The following CDH22 variants were observed in gnomAD, a reference collection of about 807,000 sequenced individuals.
The protein encoded by CDH22 is cadherin-22.
CDH22 carries 30 observed loss-of-function variants against 58.4 expected under a neutral mutation model. The observed-to-expected ratio is 0.51, with a 90% CI of 0.38 to 0.70. The LOEUF (loss-of-function observed/expected upper bound fraction) is 0.70. Among genes scored for constraint, CDH22 ranks in the 30% least tolerant of loss-of-function variants. CDH22 has a pLI of 0.00. For missense variants in CDH22, 1,014 were observed against 1,233.9 expected, an observed-to-expected ratio of 0.82 and a Z score of 2.67; for synonymous variants, 513 against 558.2, an observed-to-expected ratio of 0.92 and a Z score of 1.14.
At chr20:46,186,030 C>T (rs1032693511) in intron 10 of CDH22, among the ~76,000 whole-genome samples, 9 of 151,802 alleles carry the variant, frequency 5.9e-5, no homozygotes, top group African/African-American at 9.7e-5. Flanking sequence ...CTGGGCAATA[C>T]GGCAAAAATC....
At position 46,208,156 on chromosome 20, in the gene CDH22, T is replaced by C. The variant is rs151040784; in HGVS notation, c.1286+2151A>G. 4.3e-3 allele frequency among the ~76,000 whole-genome samples: 653 copies of C among 152,308 alleles called. 1 individual carries two copies. Among genetic ancestry groups the C allele is most frequent in the African/African-American group, 0.015 (631 of 41,562 alleles). On this transcript the variant is annotated intron_variant, in intron 7 of 11. Coordinates refer to ENST00000537909, the MANE Select transcript of CDH22 (RefSeq NM_021248.3). ...TGAATAGGTACAGGGGTTTTGGGAA[T>C]GAATCAGGGAGCCCCAGTGCCTCCT...
chr20:46,247,836 G>C (rs1308699145), intron 2 of CDH22, among the ~76,000 whole-genome samples: 2 of 152,186 alleles, frequency 1.3e-5, no homozygotes, highest in Non-Finnish European at 2.9e-5. Flanking sequence ...CTCCCTCCCT[G>C]GATGGAGTGT....
chr20:46,207,383 G>A (rs909790387), intron 7 of CDH22, among the ~76,000 whole-genome samples: 2 of 152,062 alleles, frequency 1.3e-5, no homozygotes, highest in Non-Finnish European at 2.9e-5. Context: ...CTCGCCTCCC[G>A]CTCCGTGTTC....
chr20:46,205,981 C>T (rs2085999764), intron 7 of CDH22, among the ~76,000 whole-genome samples: 1 of 152,224 alleles, frequency 6.6e-6, no homozygotes, highest in East Asian at 1.9e-4. Flanking sequence ...AAACCTCTGT[C>T]ACTCCCCTTC....
At chr20:46,178,496 T>C (rs2085758196) in intron 10 of CDH22, among the ~76,000 whole-genome samples, 1 of 151,888 alleles carries the variant, frequency 6.6e-6, no homozygotes. Flanking sequence ...TTTTCAGCTA[T>C]TCTAAGATTT....
chr20:46,196,000 G>A (rs974985034), intron 8 of CDH22, among the ~76,000 whole-genome samples: 1 of 152,166 alleles, frequency 6.6e-6, no homozygotes, highest in African/African-American at 2.4e-5. Context: ...GACCCTCTGA[G>A]TTTCCCTTCT....
chr20:46,207,005 C>A (rs2086006339), intron 7 of CDH22, among the ~76,000 whole-genome samples: 1 of 152,192 alleles, frequency 6.6e-6, no homozygotes, highest in Non-Finnish European at 1.5e-5. Context: ...CCTCCCATTT[C>A]CATTTTTGTA....
chr20:46,274,986 G>C (rs2086510385), intron 1 of CDH22, among the ~76,000 whole-genome samples: 1 of 152,156 alleles, frequency 6.6e-6, no homozygotes, highest in Admixed American at 6.5e-5. Context: ...GCTCTTTCTG[G>C]GGTGAAAGGA....
At chr20:46,180,338 G>C (rs1385297285) in intron 10 of CDH22, among the ~76,000 whole-genome samples, 1 of 152,174 alleles carries the variant, frequency 6.6e-6, no homozygotes, top group African/African-American at 2.4e-5. Flanking sequence ...AGAATCTCAG[G>C]CCCCTTGGGT....
chr20:46,192,593 G>T (rs559560671), intron 8 of CDH22, among the ~76,000 whole-genome samples: 11 of 152,044 alleles, frequency 7.2e-5, no homozygotes, highest in Non-Finnish European at 1.5e-4. Flanking sequence ...GAGGGGGAGA[G>T]AGAGAGAGGA....
chr20:46,294,460 G>A (rs944566860), intron 1 of CDH22, among the ~76,000 whole-genome samples: 3 of 152,202 alleles, frequency 2.0e-5, no homozygotes, highest in Middle Eastern at 3.2e-3. Flanking sequence ...AGGAGGGTGC[G>A]GAAAGAGGAA....
intron 1 of CDH22, among the ~76,000 whole-genome samples, chr20:46,276,553 G>A (rs145479040): frequency 2.9e-4 from 44 of 152,308 alleles, no homozygotes; most frequent in Non-Finnish European, 3.4e-4. Flanking sequence ...AGGGCTACCC[G>A]AGCACCTTCC....
intron 3 of CDH22, among the ~76,000 whole-genome samples, chr20:46,240,228 G>A (rs2086280070): frequency 6.6e-6 from 1 of 152,126 alleles, no homozygotes; most frequent in Non-Finnish European, 1.5e-5. Flanking sequence ...ACCCCAGGAT[G>A]CTCATGTCTG....
chr20:46,210,600 T>C lies in CDH22; in HGVS notation c.1033-40A>G. On this transcript the variant is annotated intron_variant, in intron 6 of 11. Transcript: ENST00000537909. This position sits in a 1 kb window ranked among gnomAD's most constrained non-coding sequence, Gnocchi z 4.5. ...AGAGGGCCGGTTAGTGGGTGGGGTC[T>C]GGTGGACACTGAGGCCTTCACGAGG... 7.1e-7 allele frequency: 1 copy of C among 1,411,864 alleles called. No individual in the cohort carries two copies. The highest frequency in any genetic ancestry group is 2.8e-5 in the East Asian group (1 of 35,890). 87.5% of individuals were successfully genotyped at this position (1,411,864 alleles called of 1,614,324 possible).
intron 10 of CDH22, among the ~76,000 whole-genome samples, chr20:46,181,740 C>CTTCCTTCCTTCCTTCG: frequency 2.6e-5 from 1 of 38,720 alleles, no homozygotes; most frequent in South Asian, 1.2e-3. Flanking sequence ...TCCTTCCTTC[C>CTTCCTTCCTTCCTTCG]TTCCTTCCTT....
At chr20:46,199,661 G>A in intron 7 of CDH22, 102 bp from the exon 8 acceptor site, 1 of 1,418,426 alleles carries the variant, frequency 7.1e-7, no homozygotes, top group Admixed American at 2.2e-5. Flanking sequence ...CGCCTGCCTT[G>A]GACACACACA....
chr20:46,209,091 A>C (rs561091091), intron 7 of CDH22, among the ~76,000 whole-genome samples: 1 of 152,324 alleles, frequency 6.6e-6, no homozygotes, highest in African/African-American at 2.4e-5. Flanking sequence ...GAAAGGTAAT[A>C]AGGAAGCAGC....
intron 4 of CDH22, among the ~76,000 whole-genome samples, chr20:46,218,950 C>T (rs951117980): frequency 9.8e-5 from 15 of 152,328 alleles, no homozygotes; most frequent in Admixed American, 6.5e-4. Context: ...CATGCACCAG[C>T]AGCCCCATGC....
chr20:46,209,380 G>A (rs1443735921), intron 7 of CDH22, among the ~76,000 whole-genome samples: 1 of 152,128 alleles, frequency 6.6e-6, no homozygotes, highest in Non-Finnish European at 1.5e-5. Context: ...GGAGAGGGAG[G>A]TGTGGTCTGA....
Sources: gnomAD v4.1 joint callset for allele counts (sites outside exome capture counted in the v4.1 genomes callset) on GRCh38, gnomAD v4.1.1 for gene constraint, Gnocchi (gnomAD v3.1) non-coding constraint, MANE v1.5 for transcripts, NCBI Gene and HGNC (gene_info 2026-07-23, HGNC 2026-07-21) for gene names.